Variants in HLCS observed in about 807,000 individuals in gnomAD.
HLCS encodes holocarboxylase synthetase.
HLCS carries 53 observed loss-of-function variants against 75.0 expected under a neutral mutation model. That is an observed-to-expected ratio of 0.71 (90% confidence interval 0.57 to 0.89). The LOEUF (loss-of-function observed/expected upper bound fraction) is 0.89. Ranked by LOEUF, HLCS falls within the 40% of genes least tolerant of loss-of-function variation. The probability of loss-of-function intolerance (pLI) is 0.00; values close to 1 mark genes in which losing one functional copy is unlikely to be tolerated. For synonymous variants in HLCS, 431 were observed against 428.6 expected (o/e 1.01, Z -0.07); for missense variants, 966 against 1,074.0 (o/e 0.90, Z 1.41).
At chr21:36,756,402 G>A (rs948770929) in intron 10 of HLCS, 140 bp downstream of exon 10, 1 of 656,088 alleles carries the variant, frequency 1.5e-6, no homozygotes, top group South Asian at 1.8e-5. Flanking sequence ...AGTGAGCCAA[G>A]ATCGTGCCAC....
intron 6 of HLCS, among the ~76,000 whole-genome samples, chr21:36,830,017 AG>A (rs1320096237): frequency 6.6e-6 from 1 of 152,214 alleles, no homozygotes; most frequent in African/African-American, 2.4e-5. Context: ...GTCTTTCCAG[AG>A]GCGATTAAGT....
intron 4 of HLCS, 64 bp from the exon 5 acceptor site, chr21:36,930,497 C>A: frequency 3.0e-6 from 4 of 1,327,074 alleles, no homozygotes; most frequent in East Asian, 2.3e-5. Context: ...AAAACAGTTT[C>A]TTTTTTCTTT....
intron 5 of HLCS, among the ~76,000 whole-genome samples, chr21:36,905,736 AG>A (rs778178182): frequency 1.3e-5 from 2 of 152,090 alleles, no homozygotes; most frequent in Non-Finnish European, 2.9e-5. Flanking sequence ...GAGTTTAGCA[AG>A]GTTGTGGGAT....
chr21:36,977,919 G>A lies in HLCS; in HGVS notation c.-393+12239C>T, dbSNP rs573004139. Among the ~76,000 whole-genome samples, 8 of 152,332 alleles carry A rather than the reference G, an allele frequency of 5.3e-5. No homozygotes were observed. In the East Asian group the frequency reaches 1.5e-3, roughly 29 times the overall value. ...AGAGTGAACAGGAAGGGAATAGAAG[G>A]GCAACGCGCTTTCACTTCATCCTCA... On this transcript the variant is annotated intron_variant, in intron 1 of 11. Coordinates refer to the HLCS transcript ENST00000336648.
Position 36,963,290 on chromosome 21 carries a change from G to A in HLCS, c.196-1120C>T, listed in dbSNP as rs572110838. Among the ~76,000 whole-genome samples the A allele has an allele frequency of 3.3e-5, 5 of 152,270 alleles. No individual in the cohort carries two copies. The East Asian group carries it at 9.6e-4, about 29-fold the overall frequency. ...AAGAAAAAGATGAAATCTGAGCGGG[G>A]TATGCAGGAGGCTTTCACCATCACC... On this transcript the variant is annotated intron_variant, in intron 1 of 10. Coordinates refer to ENST00000674895, the MANE Select transcript of HLCS (RefSeq NM_001352514.2).
At chr21:36,977,343 G>A (rs1377875825) in intron 1 of HLCS, among the ~76,000 whole-genome samples, 1 of 152,196 alleles carries the variant, frequency 6.6e-6, no homozygotes, top group East Asian at 1.9e-4. Context: ...GTAAGCACAT[G>A]GGGCCACTGC....
intron 6 of HLCS, among the ~76,000 whole-genome samples, chr21:36,871,159 A>C (rs758196933): frequency 1.3e-5 from 2 of 152,212 alleles, no homozygotes; most frequent in Non-Finnish European, 2.9e-5. Flanking sequence ...AGGTGTGAGA[A>C]ATGAAAACTT....
intron 6 of HLCS, among the ~76,000 whole-genome samples, chr21:36,772,979 CAA>C (rs35402890): frequency 1.8e-4 from 19 of 103,474 alleles, no homozygotes; most frequent in Non-Finnish European, 2.1e-4. Flanking sequence ...GACTCCATCT[CAA>C]AAAAAAAAAA....
intron 5 of HLCS, among the ~76,000 whole-genome samples, chr21:36,915,502 C>T (rs775832019): frequency 6.6e-5 from 10 of 152,110 alleles, no homozygotes; most frequent in Non-Finnish European, 1.5e-4. Context: ...TAACACCTGG[C>T]CAGGCCTGGC....
At chr21:36,757,693 C>A (rs1335150299) in intron 9 of HLCS, among the ~76,000 whole-genome samples, 1 of 152,152 alleles carries the variant, frequency 6.6e-6, no homozygotes, top group Non-Finnish European at 1.5e-5. Context: ...ATTGACTGGT[C>A]TCAGATTTTA....
intron 5 of HLCS, among the ~76,000 whole-genome samples, chr21:36,901,073 C>A (rs1165217501): frequency 6.6e-6 from 1 of 152,044 alleles, no homozygotes; most frequent in Non-Finnish European, 1.5e-5. Flanking sequence ...CCAGCCTGGC[C>A]AACATGGTGA....
chr21:36,872,840 T>C (rs1039062287), intron 6 of HLCS, among the ~76,000 whole-genome samples: 5 of 152,204 alleles, frequency 3.3e-5, no homozygotes, highest in Non-Finnish European at 7.3e-5. Context: ...CTTGGGTAAA[T>C]ATCTAGGGAT....
chr21:36,896,540 C>A, intron 6 of HLCS: 1 of 395,052 alleles, frequency 2.5e-6, no homozygotes. Flanking sequence ...AGAATGATAA[C>A]CTGAGCAATA....
intron 1 of HLCS, among the ~76,000 whole-genome samples, chr21:36,972,779 T>C (rs1435389517): frequency 1.3e-5 from 2 of 152,358 alleles, no homozygotes; most frequent in East Asian, 3.9e-4. Context: ...ACTTCTATAT[T>C]GAAATCTTAC....
At chr21:36,818,586 G>C (rs936361161) in intron 6 of HLCS, among the ~76,000 whole-genome samples, 1 of 152,272 alleles carries the variant, frequency 6.6e-6, no homozygotes, top group Middle Eastern at 3.4e-3. Flanking sequence ...TCACAAGCGA[G>C]CTTAAATAGC....
intron 2 of HLCS, among the ~76,000 whole-genome samples, chr21:36,956,096 C>T (rs142210943): frequency 9.7e-4 from 147 of 152,194 alleles, no homozygotes; most frequent in African/African-American, 3.5e-3. Flanking sequence ...GTGTATCTGT[C>T]GTGAAGCAAC....
chr21:36,968,394 A>G (rs1468264469), upstream of HLCS, among the ~76,000 whole-genome samples: 2 of 152,252 alleles, frequency 1.3e-5, no homozygotes, highest in African/African-American at 2.4e-5. Context: ...GTTAGATAAC[A>G]TAGTATATTT....
At chr21:36,826,155 C>T (rs554785797) in intron 6 of HLCS, among the ~76,000 whole-genome samples, 1 of 152,248 alleles carries the variant, frequency 6.6e-6, no homozygotes, top group East Asian at 1.9e-4. Flanking sequence ...TTACACTGCA[C>T]ACTCGTGAAA....
At chr21:36,864,549 C>A (rs1014393470) in intron 6 of HLCS, among the ~76,000 whole-genome samples, 4 of 152,096 alleles carry the variant, frequency 2.6e-5, no homozygotes, top group Non-Finnish European at 5.9e-5. Context: ...AAATACACAT[C>A]AAAAAATTGT....
Sources: gnomAD v4.1 joint callset for allele counts (sites outside exome capture counted in the v4.1 genomes callset) on GRCh38, gnomAD v4.1.1 for gene constraint, MANE v1.5 for transcripts, NCBI Gene and HGNC (gene_info 2026-07-23, HGNC 2026-07-21) for gene names.